INPP5D: variants seen among roughly 807,000 people sequenced by gnomAD.
The protein encoded by INPP5D is inositol polyphosphate-5-phosphatase D.
In INPP5D, 33 loss-of-function variants were observed where a neutral mutation model predicts 122.9. That is an observed-to-expected ratio of 0.27 (90% CI 0.20 to 0.36). The LOEUF (loss-of-function observed/expected upper bound fraction) is 0.36. INPP5D is among the 10% of genes least tolerant of loss of function. INPP5D has a pLI of 1.00. For synonymous variants in INPP5D, 584 were observed against 576.2 expected (o/e 1.01, Z -0.19); for missense variants, 1,053 against 1,412.7 (o/e 0.75, Z 4.08).
At chr2:233,146,033 A>G (rs765592855) in intron 6 of INPP5D, 129 bp from the exon 7 acceptor site, 5 of 702,964 alleles carry the variant, frequency 7.1e-6, no homozygotes, top group South Asian at 1.5e-5. Flanking sequence ...CCAGAAGGGG[A>G]TAATAATAGA....
intron 17 of INPP5D, 113 bp downstream of exon 17, chr2:233,171,265 G>GA: frequency 6.8e-7 from 1 of 1,460,164 alleles, no homozygotes; most frequent in Non-Finnish European, 9.1e-7. Flanking sequence ...AAAAAGGAAA[G>GA]AAAAAAATTA....
At chr2:233,139,725 T>C (rs1693593472) in intron 5 of INPP5D, 117 bp from the exon 6 acceptor site, 2 of 392,712 alleles carry the variant, frequency 5.1e-6, no homozygotes, top group East Asian at 3.6e-5. Context: ...CTGGGGAGAA[T>C]TACCTGCTTC....
At chr2:233,180,158 T>C (rs1694746138) in intron 18 of INPP5D, among the ~76,000 whole-genome samples, 1 of 152,070 alleles carries the variant, frequency 6.6e-6, no homozygotes, top group Non-Finnish European at 1.5e-5. Context: ...GGCCTCATGT[T>C]TACTAAGGTC....
intron 2 of INPP5D, among the ~76,000 whole-genome samples, chr2:233,118,800 T>C (rs1187344128): frequency 6.6e-6 from 1 of 152,210 alleles, no homozygotes; most frequent in Non-Finnish European, 1.5e-5. Flanking sequence ...TCAGCACACT[T>C]GTCAGCGGCC....
At chr2:233,124,039 T>G (rs1693077336) in intron 3 of INPP5D, among the ~76,000 whole-genome samples, 1 of 152,022 alleles carries the variant, frequency 6.6e-6, no homozygotes, top group African/African-American at 2.4e-5. Context: ...TGAAATAATC[T>G]GTACAACAAA....
intron 2 of INPP5D, among the ~76,000 whole-genome samples, chr2:233,116,248 G>GATAGATAGATAGATATAGATATAGAT (rs34084880): frequency 3.8e-4 from 51 of 135,226 alleles, no homozygotes; most frequent in African/African-American, 1.4e-3. Context: ...TAGATAGATA[G>GATAGATAGATAGATATAGATATAGAT]ATAGATATAG....
chr2:233,122,306 C>G (rs368636410), intron 3 of INPP5D, 49 bp downstream of exon 3: 2 of 1,578,676 alleles, frequency 1.3e-6, no homozygotes, highest in Non-Finnish European at 1.7e-6. Flanking sequence ...GGAACTTGCC[C>G]TGCACCCACC....
chr2:233,104,328 C>CA (rs1307292390), intron 2 of INPP5D, among the ~76,000 whole-genome samples: 1 of 152,104 alleles, frequency 6.6e-6, no homozygotes, highest in Non-Finnish European at 1.5e-5. Context: ...TTTGAGTACT[C>CA]AAAAAATATT....
At chr2:233,086,436 C>T (rs1691853111) in intron 2 of INPP5D, among the ~76,000 whole-genome samples, 1 of 152,058 alleles carries the variant, frequency 6.6e-6, no homozygotes, top group Non-Finnish European at 1.5e-5. Context: ...GCCTTGGCCT[C>T]CCAAAGTGCT....
chr2:233,195,794 C>G (rs900916870), intron 24 of INPP5D, among the ~76,000 whole-genome samples: 1 of 152,150 alleles, frequency 6.6e-6, no homozygotes, highest in Non-Finnish European at 1.5e-5. Context: ...TGGTAAAACC[C>G]CATCTCTACT....
chr2:233,185,206 G>A (rs1694881603), intron 20 of INPP5D, among the ~76,000 whole-genome samples: 1 of 152,160 alleles, frequency 6.6e-6, no homozygotes, highest in African/African-American at 2.4e-5. Flanking sequence ...GGCATTTTGT[G>A]AGGGCCTGGC....
At position 233,204,236 on chromosome 2, in the gene INPP5D, C is replaced by T; in HGVS notation, c.3086C>T (p.Pro1029Leu). The change falls in exon 26 of 27, where the codon CCT becomes CTT. Residue 1029 changes from proline (P) to leucine (L), a missense_variant. Transcript: ENST00000445964. Reference sequence around the variant, plus strand: ...CTGTATGGGTCCCTGAGTTCCTTCCCTAAGCCTGCTCCCAGGAAGGACCAG... The same window carrying T: ...CTGTATGGGTCCCTGAGTTCCTTCCTTAAGCCTGCTCCCAGGAAGGACCAG... ...NPLYGSLSSF[P>L]KPAPRKDQES... is the part of the protein sequence containing the mutation. 6.2e-7 allele frequency: 1 copy of T among 1,613,590 alleles called. No homozygotes were observed. Among genetic ancestry groups the T allele is most frequent in the Non-Finnish European group, 8.5e-7 (1 of 1,179,854 alleles).
chr2:233,125,846 C>G lies in INPP5D; in HGVS notation c.451C>G (p.Arg151Gly). The G allele has an allele frequency of 6.2e-7, 1 of 1,613,780 alleles. No homozygotes were observed. Among genetic ancestry groups the G allele is most frequent in the South Asian group, 1.1e-5 (1 of 91,038 alleles). Reference protein sequence around the residue: ...KEVPFSNENPRATETSRPSLS... With the variant: ...KEVPFSNENPGATETSRPSLS... ...GGTTCCTTTTTCAAACGAGAATCCCCGAGCGACCGAGACCAGCCGGCCGAG... is the reference window on the plus strand; with the variant it reads ...GGTTCCTTTTTCAAACGAGAATCCCGGAGCGACCGAGACCAGCCGGCCGAG... The change falls in exon 4 of 27, where the codon CGA becomes GGA. Residue 151 changes from arginine to glycine, a missense_variant. Coordinates refer to ENST00000445964, the MANE Select transcript of INPP5D (RefSeq NM_001017915.3).
chr2:233,167,514 C>T (rs1358593714), intron 13 of INPP5D, among the ~76,000 whole-genome samples: 2 of 152,148 alleles, frequency 1.3e-5, no homozygotes, highest in African/African-American at 4.8e-5. Flanking sequence ...ACCAGGCTGT[C>T]GGGACTGGAA....
At chr2:233,093,729 T>C (rs985186032) in intron 2 of INPP5D, among the ~76,000 whole-genome samples, 4 of 151,210 alleles carry the variant, frequency 2.6e-5, no homozygotes, top group African/African-American at 2.4e-5. Flanking sequence ...AAGTGTTCAA[T>C]GAGGCATTTG....
chr2:233,169,664 T>C (rs748069712), intron 14 of INPP5D: 9 of 598,466 alleles, frequency 1.5e-5, no homozygotes, highest in Non-Finnish European at 2.5e-5. Flanking sequence ...GCACTGTTTC[T>C]AAAGCAGAAA....
chr2:233,078,983 C>T lies in INPP5D; in HGVS notation c.135-352C>T, dbSNP rs188571234. The stretch of plus-strand genomic sequence containing the variant: ...GGCGTGAGCCACCGTGCCTGGCCTG[C>T]AAGCACCCACTCTTGCTCTATCTTC... On this transcript the variant is annotated intron_variant, in intron 1 of 26. Coordinates refer to ENST00000445964, the MANE Select transcript of INPP5D (RefSeq NM_001017915.3). The surrounding 1 kb of genome is among the most constrained non-coding windows in gnomAD (Gnocchi z 4.6). Among the ~76,000 whole-genome samples the T allele has an allele frequency of 1.3e-5, 2 of 152,164 alleles. No homozygotes were observed. The highest frequency in any genetic ancestry group is 4.8e-5 in the African/African-American group (2 of 41,528).
intron 17 of INPP5D, among the ~76,000 whole-genome samples, chr2:233,173,937 C>A (rs1277645573): frequency 4.6e-5 from 7 of 151,128 alleles, no homozygotes; most frequent in Non-Finnish European, 8.8e-5. Context: ...AAAAAAAAAA[C>A]AAAAACAAAA....
Position 233,158,295 on chromosome 2 carries a change from A to C in INPP5D, c.1031-18A>C, listed in dbSNP as rs2106290280. The C allele has an allele frequency of 1.4e-6, 1 of 697,384 alleles. No individual in the cohort carries two copies. Among genetic ancestry groups the C allele is most frequent in the East Asian group, 2.7e-5 (1 of 37,216 alleles). The allele number at this position is 697,384 out of a possible 1,614,324, so 43.2% of individuals were successfully genotyped here. ...GAATGAGTGGATGAATGAATTAATG[A>C]ATTTCTTTTCTCTTAAGTCCTGCAG... is the stretch of plus-strand genomic sequence containing the variant. On this transcript the variant is annotated intron_variant, in intron 9 of 26. Transcript: ENST00000445964.
Sources: gnomAD v4.1 joint callset for allele counts (sites outside exome capture counted in the v4.1 genomes callset) on GRCh38, gnomAD v4.1.1 for gene constraint, Gnocchi (gnomAD v3.1) non-coding constraint, MANE v1.5 for transcripts, NCBI Gene and HGNC (gene_info 2026-07-23, HGNC 2026-07-21) for gene names.